The following PTPRT variants were observed in gnomAD, a reference collection of about 807,000 sequenced individuals.
PTPRT encodes receptor-type tyrosine-protein phosphatase T.
Under a neutral mutation model 176.8 loss-of-function variants are expected in PTPRT, and 56 were observed. The observed-to-expected ratio is 0.32, with a 90% CI of 0.26 to 0.40. PTPRT has a LOEUF of 0.40. PTPRT is among the 10% of genes least tolerant of loss of function. The pLI, the probability that PTPRT is intolerant of heterozygous loss-of-function variation, is 1.00. For missense variants in PTPRT, 1,540 were observed against 1,908.2 expected (o/e 0.81, Z 3.60); for synonymous variants, 783 against 739.0 (o/e 1.06, Z -0.96).
At position 42,199,509 on chromosome 20, in the gene PTPRT, G is replaced by GA. The variant is rs1377917008; in HGVS notation, c.2343-122dup. ...ACCCCCAAATCTGGTTCATTCTCCA[G>GA]AAAAAGAATCAAGGCAGAACAAACC... is the stretch of plus-strand genomic sequence containing the variant. On this transcript the variant is annotated intron_variant, in intron 15 of 30. Transcript: ENST00000373187. 80 of 1,167,418 alleles carry GA rather than the reference G, an allele frequency of 6.9e-5. 1 individual carries two copies. The African/African-American group carries it at 1.2e-3, about 17-fold the overall frequency. 72.3% of individuals were successfully genotyped at this position (1,167,418 alleles called of 1,614,324 possible). A position where few individuals can be genotyped will look rare whatever the true frequency, so the allele number is the denominator to read the frequency against.
intron 17 of PTPRT, among the ~76,000 whole-genome samples, chr20:42,149,900 C>T (rs143474055): frequency 3.3e-5 from 5 of 152,320 alleles, no homozygotes; most frequent in South Asian, 2.1e-4. Flanking sequence ...ACCCACCCTC[C>T]TATCCACAGA....
At chr20:42,641,643 C>A (rs1019057956) in intron 7 of PTPRT, among the ~76,000 whole-genome samples, 2 of 152,152 alleles carry the variant, frequency 1.3e-5, no homozygotes, top group African/African-American at 4.8e-5. Flanking sequence ...GAATGTAATT[C>A]TTTCCAGTGG....
At chr20:42,951,672 T>TA (rs768995635) in intron 1 of PTPRT, among the ~76,000 whole-genome samples, 4 of 152,118 alleles carry the variant, frequency 2.6e-5, no homozygotes, top group Non-Finnish European at 4.4e-5. Context: ...CAACATCTAT[T>TA]ACCATGATCC....
intron 1 of PTPRT, among the ~76,000 whole-genome samples, chr20:42,977,182 A>G (rs1983003925): frequency 6.6e-6 from 1 of 152,178 alleles, no homozygotes. Context: ...AGAATGGAGG[A>G]TCTAGCATTA....
rs1161121667 is a variant in PTPRT, at chr20:42,795,937, G to C, written c.215-4471C>G. 2.6e-5 allele frequency among the ~76,000 whole-genome samples: 4 copies of C among 152,180 alleles called. No homozygotes were observed. The South Asian group carries it at 8.3e-4, about 32-fold the overall frequency. On this transcript the variant is annotated intron_variant, in intron 2 of 30. Transcript: ENST00000373187. Reference sequence around the variant, plus strand: ...CAGATAGCCAACAGCAGGTAACAGTGAGCCCAATGCCGTTTATAAAACCTT... The same window carrying C: ...CAGATAGCCAACAGCAGGTAACAGTCAGCCCAATGCCGTTTATAAAACCTT...
At chr20:42,696,641 G>C (rs774979556) in intron 6 of PTPRT, among the ~76,000 whole-genome samples, 23 of 152,006 alleles carry the variant, frequency 1.5e-4, no homozygotes, top group Non-Finnish European at 2.8e-4. Context: ...ATTTTTTGTA[G>C]AGACTGGGTT....
Position 42,943,707 on chromosome 20 carries a change from T to C in PTPRT, c.89-57775A>G, listed in dbSNP as rs544103670. Among the ~76,000 whole-genome samples the C allele has an allele frequency of 3.3e-5, 5 of 152,230 alleles. No homozygotes were observed. The South Asian group carries it at 8.3e-4, about 25-fold the overall frequency. ...CATCCAGTTAATCTCGTTCAACATA[T>C]AGTTCACCTCAACAAACCTTCCTGG... is the stretch of plus-strand genomic sequence containing the variant. On this transcript the variant is annotated intron_variant, in intron 1 of 30. Transcript: ENST00000373187.
At chr20:42,218,889 T>C (rs1276260057) in intron 15 of PTPRT, among the ~76,000 whole-genome samples, 3 of 152,182 alleles carry the variant, frequency 2.0e-5, no homozygotes, top group Non-Finnish European at 4.4e-5. Flanking sequence ...TTAATGGATG[T>C]GTTACTTTGG....
chr20:43,093,579 CCA>C (rs2011977295), intron 1 of PTPRT, among the ~76,000 whole-genome samples: 1 of 152,210 alleles, frequency 6.6e-6, no homozygotes, highest in African/African-American at 2.4e-5. Flanking sequence ...CTTTCTGGGC[CCA>C]GTCTTCCAAT....
intron 17 of PTPRT, among the ~76,000 whole-genome samples, chr20:42,146,586 C>T (rs965700832): frequency 6.6e-6 from 1 of 152,144 alleles, no homozygotes; most frequent in Non-Finnish European, 1.5e-5. Flanking sequence ...AACTCCCCAG[C>T]TGATGCTACT....
chr20:42,632,162 T>C (rs1046705630), intron 7 of PTPRT, among the ~76,000 whole-genome samples: 1 of 152,268 alleles, frequency 6.6e-6, no homozygotes, highest in East Asian at 1.9e-4. Flanking sequence ...ACACTGTTGC[T>C]GAGAGGATGA....
chr20:42,875,763 C>G (rs1198597001), intron 2 of PTPRT, among the ~76,000 whole-genome samples: 1 of 152,188 alleles, frequency 6.6e-6, no homozygotes, highest in Non-Finnish European at 1.5e-5. Flanking sequence ...GGCCACAGTG[C>G]AGCTGTCCAG....
intron 9 of PTPRT, among the ~76,000 whole-genome samples, chr20:42,421,817 A>G (rs1169109685): frequency 6.6e-6 from 1 of 152,226 alleles, no homozygotes; most frequent in African/African-American, 2.4e-5. Context: ...ACAGGGCTAT[A>G]GTAACCAAAA....
At chr20:43,180,755 C>A (rs116943515) in intron 1 of PTPRT, among the ~76,000 whole-genome samples, 1 of 151,994 alleles carries the variant, frequency 6.6e-6, no homozygotes, top group African/African-American at 2.4e-5. Context: ...GAGCCACCAC[C>A]CCCAGCCAAT....
intron 2 of PTPRT, among the ~76,000 whole-genome samples, chr20:42,802,035 AG>A: frequency 6.6e-6 from 1 of 152,346 alleles, no homozygotes; most frequent in South Asian, 2.1e-4. Flanking sequence ...CTCCAAGATC[AG>A]TATCATTTCC....
intron 9 of PTPRT, among the ~76,000 whole-genome samples, chr20:42,377,240 G>T (rs1189829254): frequency 6.6e-6 from 1 of 152,174 alleles, no homozygotes; most frequent in Non-Finnish European, 1.5e-5. Context: ...AAGCAAGGGA[G>T]ATCTGCCTGT....
intron 12 of PTPRT, among the ~76,000 whole-genome samples, chr20:42,311,867 T>G (rs1023951501): frequency 6.6e-6 from 1 of 152,208 alleles, no homozygotes; most frequent in African/African-American, 2.4e-5. Flanking sequence ...GAACTATACT[T>G]TTTAGTATTC....
At chr20:43,120,397 G>A (rs748524668) in intron 1 of PTPRT, among the ~76,000 whole-genome samples, 7 of 151,714 alleles carry the variant, frequency 4.6e-5, no homozygotes, top group Non-Finnish European at 8.8e-5. Context: ...TCAGTCTCCC[G>A]AGTAGCTGGG....
chr20:42,704,334 G>A (rs1002088203), intron 6 of PTPRT, among the ~76,000 whole-genome samples: 8 of 151,394 alleles, frequency 5.3e-5, no homozygotes, highest in South Asian at 2.1e-4. Context: ...ATGGTTCTCT[G>A]TGGTGTACAT....
Sources: allele counts gnomAD v4.1 joint callset (sites outside exome capture counted in the v4.1 genomes callset), GRCh38; gene constraint gnomAD v4.1.1; transcripts MANE v1.5; gene names NCBI Gene and HGNC (gene_info 2026-07-23, HGNC 2026-07-21).